KCTD1: variants seen among roughly 807,000 people sequenced by gnomAD.
KCTD1 encodes BTB/POZ domain-containing protein KCTD1.
A neutral mutation model predicts 66.0 loss-of-function variants in KCTD1; 24 were observed. The observed-to-expected ratio is 0.36, with a 90% CI of 0.26 to 0.51. The LOEUF is 0.51. Ranked by LOEUF, KCTD1 falls within the 20% of genes least tolerant of loss-of-function variation. The pLI, the probability that KCTD1 is intolerant of heterozygous loss-of-function variation, is 0.95. For synonymous variants in KCTD1, 511 were observed against 517.2 expected, an observed-to-expected ratio of 0.99 and a Z score of 0.16; for missense variants, 943 against 1,205.2, an observed-to-expected ratio of 0.78 and a Z score of 3.22.
At chr18:26,638,473 G>A (rs111571479) in intron 1 of KCTD1, among the ~76,000 whole-genome samples, 35 of 152,358 alleles carry the variant, frequency 2.3e-4, no homozygotes, top group African/African-American at 5.8e-4. Context: ...AGCAGCAGCC[G>A]CAGTGGAGGA....
At chr18:26,504,720 T>C (rs531638607) in intron 1 of KCTD1, among the ~76,000 whole-genome samples, 55 of 151,974 alleles carry the variant, frequency 3.6e-4, no homozygotes, top group Admixed American at 2.1e-3. Context: ...GGGCGATATT[T>C]GGGGCTGAGA....
intron 1 of KCTD1, among the ~76,000 whole-genome samples, chr18:26,576,389 A>T (rs973985659): frequency 6.6e-6 from 1 of 152,172 alleles, no homozygotes; most frequent in Non-Finnish European, 1.5e-5. Context: ...ACCTGTTTCC[A>T]TTCATCCATT....
intron 3 of KCTD1, among the ~76,000 whole-genome samples, chr18:26,472,129 T>G (rs1753251115): frequency 6.6e-6 from 1 of 152,114 alleles, no homozygotes; most frequent in Non-Finnish European, 1.5e-5. Context: ...GTGGTGGTGG[T>G]GGCAGAGGGG....
At chr18:26,516,217 T>C (rs1983648708) in intron 1 of KCTD1, among the ~76,000 whole-genome samples, 1 of 152,028 alleles carries the variant, frequency 6.6e-6, no homozygotes, top group Non-Finnish European at 1.5e-5. Context: ...GGGTGTGTGT[T>C]GGGAAGGAGG....
At chr18:26,477,866 G>A (rs1051455296) in intron 2 of KCTD1, among the ~76,000 whole-genome samples, 2 of 152,178 alleles carry the variant, frequency 1.3e-5, no homozygotes, top group African/African-American at 4.8e-5. Context: ...AAGTAATTAT[G>A]GTAGGGTTAT....
At chr18:26,506,818 G>A (rs1288676798) in intron 1 of KCTD1, among the ~76,000 whole-genome samples, 1 of 152,116 alleles carries the variant, frequency 6.6e-6, no homozygotes, top group Non-Finnish European at 1.5e-5. Flanking sequence ...GCCACAAGTG[G>A]GTGTCATAGT....
Position 26,548,267 on chromosome 18 carries a change from C to A in KCTD1, c.270G>T (p.Glu90Asp). The A allele has an allele frequency of 6.6e-7, 1 of 1,514,302 alleles. No individual in the cohort carries two copies. The allele number at this position is 1,514,302 out of a possible 1,614,324, so 93.8% of individuals were successfully genotyped here. ...GCCCCATCTCCTCCTCTTCCTCCTC[C>A]TCCTCGTCCTCCTCCAGCCCCCCAC... ...DGGGGLEEDE[E>D]EEEEEEMGLD... Residue 90 changes from glutamate (E) to aspartate (D), a missense_variant, in exon 1 of 5, where the codon GAG becomes GAT. Transcript: ENST00000580059.
At chr18:26,509,716 C>T (rs985741655) in intron 1 of KCTD1, among the ~76,000 whole-genome samples, 2 of 152,148 alleles carry the variant, frequency 1.3e-5, no homozygotes, top group African/African-American at 4.8e-5. Flanking sequence ...AAACATTTTT[C>T]TAAGTTAAGA....
At chr18:26,485,760 C>G (rs1981884859) in intron 2 of KCTD1, among the ~76,000 whole-genome samples, 1 of 151,952 alleles carries the variant, frequency 6.6e-6, no homozygotes, top group African/African-American at 2.4e-5. Flanking sequence ...CAACACTGTT[C>G]TATATTTGGA....
Position 26,476,063 on chromosome 18 carries a change from G to C in KCTD1, c.2133+452C>G, listed in dbSNP as rs1372791470. 2.0e-5 allele frequency among the ~76,000 whole-genome samples: 3 copies of C among 152,084 alleles called. No homozygotes were observed. The highest frequency in any genetic ancestry group is 4.4e-5 in the Non-Finnish European group (3 of 68,016). ...TCTCCTTGTCTGACTCCATTGCCTA[G>C]AGTTACCAGCACAATGTGGGCTATC... On this transcript the variant is annotated intron_variant, in intron 3 of 4. Coordinates refer to ENST00000580059, the MANE Select transcript of KCTD1 (RefSeq NM_001142730.3). The surrounding 1 kb of genome is among the most constrained non-coding windows in gnomAD (Gnocchi z 4.9).
intron 1 of KCTD1, among the ~76,000 whole-genome samples, chr18:26,595,903 G>A (rs1422575528): frequency 6.6e-6 from 1 of 152,194 alleles, no homozygotes; most frequent in Non-Finnish European, 1.5e-5. Context: ...AAGTTAGCCA[G>A]GTGTGGTAGT....
intron 1 of KCTD1, among the ~76,000 whole-genome samples, chr18:26,531,144 C>A (rs1984416088): frequency 6.6e-6 from 1 of 152,018 alleles, no homozygotes; most frequent in African/African-American, 2.4e-5. Flanking sequence ...AAATATATAA[C>A]CATTATTTTT....
upstream of KCTD1, chr18:26,549,163 C>A (rs889373411): frequency 1.0e-6 from 1 of 985,336 alleles, no homozygotes; most frequent in South Asian, 4.7e-5. Context: ...CCCGCACCCT[C>A]TCGGCGCCCG....
At chr18:26,515,553 G>C (rs901503499) in intron 1 of KCTD1, among the ~76,000 whole-genome samples, 1 of 147,642 alleles carries the variant, frequency 6.8e-6, no homozygotes, top group Non-Finnish European at 1.5e-5. Context: ...TGTCACCAAG[G>C]CTGGAGTGCA....
rs968619785 is a variant in KCTD1, at chr18:26,517,658, CAAAAAAAAAAAAAA to C, written c.1810-16422_1810-16409del. Among the ~76,000 whole-genome samples the C allele has an allele frequency of 9.4e-5, 5 of 53,408 alleles. No individual in the cohort carries two copies. The East Asian group carries it at 2.1e-3, about 22-fold the overall frequency. The allele number at this position is 53,408 out of a possible 152,430, so 35.0% of individuals were successfully genotyped here. ...GGCAACAAGAGCGAAACTCCGTCTC[CAAAAAAAAAAAAAA>C]AAAAAAAAAAAGGGTAGTTTCCCTG... On this transcript the variant is annotated intron_variant, in intron 1 of 4. Coordinates refer to ENST00000580059, the MANE Select transcript of KCTD1 (RefSeq NM_001142730.3).
chr18:26,581,025 T>C (rs995360539), intron 1 of KCTD1: 3 of 152,242 alleles, frequency 2.0e-5, no homozygotes, highest in Non-Finnish European at 2.9e-5. Context: ...TGACCCTGGC[T>C]AATAGTATGG....
chr18:26,657,325 G>A, intron 1 of KCTD1: 1 of 985,258 alleles, frequency 1.0e-6, no homozygotes, highest in Non-Finnish European at 1.2e-6. Context: ...ACCCTCCTTA[G>A]CAAATAATAA....
At chr18:26,460,581 T>C (rs371880922) in intron 3 of KCTD1, among the ~76,000 whole-genome samples, 1 of 152,136 alleles carries the variant, frequency 6.6e-6, no homozygotes, top group Non-Finnish European at 1.5e-5. Flanking sequence ...GGAAGGCTAG[T>C]GTACTGCCCT....
At chr18:26,546,680 G>A (rs1031675348) in intron 1 of KCTD1, 48 bp downstream of exon 1, 3 of 1,508,694 alleles carry the variant, frequency 2.0e-6, no homozygotes, top group East Asian at 2.5e-5. Context: ...AGTTAGTCCC[G>A]AAGTGGTACC....
Sources: gnomAD v4.1 joint callset for allele counts (sites outside exome capture counted in the v4.1 genomes callset) on GRCh38, gnomAD v4.1.1 for gene constraint, Gnocchi (gnomAD v3.1) non-coding constraint, MANE v1.5 for transcripts, NCBI Gene and HGNC (gene_info 2026-07-23, HGNC 2026-07-21) for gene names.